SORL1: variants seen among roughly 807,000 people sequenced by gnomAD.
SORL1 encodes sortilin-related receptor.
SORL1 carries 127 observed loss-of-function variants against 273.7 expected under a neutral mutation model. The observed-to-expected ratio is 0.46, with a 90% CI of 0.40 to 0.54. The LOEUF is 0.54. SORL1 is among the 20% of genes least tolerant of loss of function. SORL1 has a pLI of 0.00. For synonymous variants in SORL1, 1,031 were observed against 1,067.4 expected, an observed-to-expected ratio of 0.97 and a Z score of 0.66; for missense variants, 2,494 against 2,846.1, an observed-to-expected ratio of 0.88 and a Z score of 2.81.
At chr11:121,625,606 A>G (rs1157734520) in intron 46 of SORL1, among the ~76,000 whole-genome samples, 1 of 152,190 alleles carries the variant, frequency 6.6e-6, no homozygotes, top group African/African-American at 2.4e-5. Flanking sequence ...CTAACATGCT[A>G]ATATATCCTG....
chr11:121,572,908 T>C (rs1298588168), intron 23 of SORL1, among the ~76,000 whole-genome samples: 1 of 152,174 alleles, frequency 6.6e-6, no homozygotes, highest in African/African-American at 2.4e-5. Context: ...GCTGCCAGGA[T>C]GTCTAACGGC....
intron 32 of SORL1, 147 bp from the exon 33 acceptor site, chr11:121,604,046 G>A: frequency 1.0e-6 from 1 of 965,328 alleles, no homozygotes; most frequent in Non-Finnish European, 1.5e-6. Flanking sequence ...CTTAGTGCCG[G>A]TATAGATTCC....
chr11:121,554,016 G>T lies in SORL1; in HGVS notation c.2346G>T (p.Leu782Phe). The change falls in exon 17 of 48, where the codon TTG (leucine) becomes TTT (phenylalanine). Residue 782 changes from leucine (L) to phenylalanine (F), a missense_variant. This residue lies in a region of SORL1 where 710 missense variants were observed against 882.5 expected (regional missense o/e 0.80). Transcript: ENST00000260197. The surrounding 1 kb of genome is among the most constrained non-coding windows in gnomAD (Gnocchi z 4.6). ...YDLASGATEQ[L>F]PLTGLRAAVA... ...TGGCCTCGGGAGCCACCGAGCAGTT[G>T]CCTCTCACCGGGCTACGGGCAGCAG... 1 of 1,614,202 alleles carries T rather than the reference G, an allele frequency of 6.2e-7. No homozygotes were observed.
chr11:121,485,991 A>G (rs890444070), intron 3 of SORL1, among the ~76,000 whole-genome samples: 63 of 152,268 alleles, frequency 4.1e-4, no homozygotes, highest in African/African-American at 1.4e-3. Context: ...GAGAGTGCAA[A>G]TGAAAAGGAG....
intron 12 of SORL1, among the ~76,000 whole-genome samples, chr11:121,537,144 T>C (rs1862278689): frequency 6.6e-6 from 1 of 152,070 alleles, no homozygotes; most frequent in South Asian, 2.1e-4. Flanking sequence ...AGAATGCAAA[T>C]TTCCAGGTGG....
intron 39 of SORL1, 43 bp from the exon 40 acceptor site, chr11:121,612,693 C>T (rs1471803157): frequency 7.0e-7 from 1 of 1,419,482 alleles, no homozygotes; most frequent in South Asian, 1.2e-5. Flanking sequence ...TAGTGTGCCC[C>T]ATGACTAGCT....
intron 6 of SORL1, among the ~76,000 whole-genome samples, chr11:121,500,727 GT>G (rs1198564613): frequency 6.6e-6 from 1 of 152,176 alleles, no homozygotes; most frequent in African/African-American, 2.4e-5. Context: ...GTCTTGACAG[GT>G]CCCAGGCATT....
At chr11:121,558,875 C>T (rs375062073) in intron 20 of SORL1, 38 bp downstream of exon 20, 95 of 1,610,840 alleles carry the variant, frequency 5.9e-5, no homozygotes, top group African/African-American at 3.5e-4. Flanking sequence ...TCTGCTAGAG[C>T]GGGTGAGGAG....
chr11:121,584,563 G>C (rs1176252446), intron 26 of SORL1, among the ~76,000 whole-genome samples: 1 of 151,790 alleles, frequency 6.6e-6, no homozygotes, highest in Non-Finnish European at 1.5e-5. Context: ...AGTTTGCAAA[G>C]GCTATCTATG....
intron 32 of SORL1, among the ~76,000 whole-genome samples, chr11:121,599,531 C>T (rs1863354140): frequency 6.6e-6 from 1 of 152,046 alleles, no homozygotes; most frequent in African/African-American, 2.4e-5. Context: ...GCAACAAGAG[C>T]GAAACTGTCA....
intron 21 of SORL1, among the ~76,000 whole-genome samples, chr11:121,565,431 C>T (rs1014690979): frequency 2.6e-5 from 4 of 152,156 alleles, no homozygotes; most frequent in Admixed American, 6.5e-5. Flanking sequence ...AAAGCTACTG[C>T]GTATATTATC....
intron 1 of SORL1, among the ~76,000 whole-genome samples, chr11:121,464,632 T>C (rs1312698477): frequency 6.6e-6 from 1 of 152,208 alleles, no homozygotes; most frequent in East Asian, 1.9e-4. Flanking sequence ...CGCAGGGGGC[T>C]GAGGGACAAC....
chr11:121,626,017 AC>A (rs1384425089), intron 46 of SORL1, among the ~76,000 whole-genome samples: 1 of 151,886 alleles, frequency 6.6e-6, no homozygotes, highest in Non-Finnish European at 1.5e-5. Context: ...TATCCTTGGC[AC>A]CCCCCACTAA....
chr11:121,622,089 C>G, intron 44 of SORL1, 73 bp from the exon 45 acceptor site: 1 of 881,958 alleles, frequency 1.1e-6, no homozygotes, highest in Non-Finnish European at 1.8e-6. Context: ...TTTAATCTCT[C>G]TTTGATAGAC....
At chr11:121,477,857 G>A (rs185774016) in intron 2 of SORL1, among the ~76,000 whole-genome samples, 68 of 152,126 alleles carry the variant, frequency 4.5e-4, no homozygotes, top group Non-Finnish European at 7.7e-4. Flanking sequence ...GTGAAACCCT[G>A]TCTCTGCTAA....
At chr11:121,559,447 A>C (rs905987732) in intron 20 of SORL1, 72 bp from the exon 21 acceptor site, 2 of 1,476,910 alleles carry the variant, frequency 1.4e-6, no homozygotes, top group South Asian at 1.3e-5. Flanking sequence ...GCCTGGGGGA[A>C]CTCTTACCCT....
chr11:121,591,348 A>T (rs977075118), intron 31 of SORL1, among the ~76,000 whole-genome samples, 192 bp downstream of exon 31: 4 of 152,238 alleles, frequency 2.6e-5, no homozygotes, highest in African/African-American at 7.2e-5. Context: ...CCTGGATCAT[A>T]GATGCATAGG....
At chr11:121,600,815 G>A (rs1031144491) in intron 32 of SORL1, among the ~76,000 whole-genome samples, 2 of 152,038 alleles carry the variant, frequency 1.3e-5, no homozygotes, top group Non-Finnish European at 2.9e-5. Context: ...GTTAATCATC[G>A]GTTAATTATC....
At chr11:121,485,047 G>A (rs571277937) in intron 3 of SORL1, among the ~76,000 whole-genome samples, 26 of 152,266 alleles carry the variant, frequency 1.7e-4, no homozygotes, top group Non-Finnish European at 3.2e-4. Flanking sequence ...GAGCCACCCC[G>A]CCCGGCCCCA....
Sources: gnomAD v4.1 joint callset for allele counts (sites outside exome capture counted in the v4.1 genomes callset) on GRCh38, gnomAD v4.1.1 for gene constraint, gnomAD v4.1.1 regional missense constraint, Gnocchi (gnomAD v3.1) non-coding constraint, MANE v1.5 for transcripts, NCBI Gene and HGNC (gene_info 2026-07-23, HGNC 2026-07-21) for gene names.